The following MSTO1 variants were observed in gnomAD, a reference collection of about 807,000 sequenced individuals.
MSTO1 encodes misato mitochondrial distribution and morphology regulator 1.
MSTO1 carries 24 observed loss-of-function variants against 55.7 expected under a neutral mutation model. The ratio of observed to expected loss-of-function variants is 0.43; its 90% CI spans 0.31 to 0.61. The LOEUF (loss-of-function observed/expected upper bound fraction) is 0.61. Among genes scored for constraint, MSTO1 ranks in the 20% least tolerant of loss-of-function variants. The pLI is 0.09. For missense variants in MSTO1, 363 were observed against 625.7 expected, an observed-to-expected ratio of 0.58 and a Z score of 4.48; for synonymous variants, 162 against 252.8, an observed-to-expected ratio of 0.64 and a Z score of 3.41.
chr1:155,593,245 T>C, the MSTO1 span, among the ~76,000 whole-genome samples: 3 of 152,312 alleles, frequency 2.0e-5, no homozygotes, highest in South Asian at 6.2e-4. Context: ...TACATACTCC[T>C]TCACTGCATG....
the MSTO1 span, among the ~76,000 whole-genome samples, chr1:155,574,238 G>C: frequency 5.3e-5 from 8 of 152,098 alleles, no homozygotes; most frequent in Admixed American, 4.6e-4. Flanking sequence ...TATGCCTGTA[G>C]TCCAAGCTAC....
chr1:155,610,002 TG>T (rs368680747), upstream of MSTO1: 1,368 of 516,036 alleles, frequency 2.7e-3, 9 homozygotes, highest in African/African-American at 0.024. Flanking sequence ...CGCTCCAACG[TG>T]GAGCAGGAGC....
At chr1:155,597,600 C>A in the MSTO1 span, among the ~76,000 whole-genome samples, 1 of 151,340 alleles carries the variant, frequency 6.6e-6, no homozygotes, top group East Asian at 2.0e-4. Context: ...ACCTCCGCCT[C>A]CCGGGTTCAA....
upstream of MSTO1, chr1:155,610,027 G>C (rs1226279828): frequency 1.1e-5 from 6 of 570,052 alleles, no homozygotes; most frequent in East Asian, 1.2e-4. Flanking sequence ...GGCGTGGCCC[G>C]TGGAGCCCCG....
chr1:155,576,324 C>CTGTTT, the MSTO1 span, among the ~76,000 whole-genome samples: 1 of 151,662 alleles, frequency 6.6e-6, no homozygotes, highest in Non-Finnish European at 1.5e-5. Context: ...TTGTTTTGTT[C>CTGTTT]TGTTTTGTTT....
chr1:155,573,840 C>CAA, the MSTO1 span, among the ~76,000 whole-genome samples: 684 of 88,814 alleles, frequency 7.7e-3, 8 homozygotes, highest in East Asian at 0.014. Context: ...CTCCATCTCA[C>CAA]AAAAAAAAAA....
At chr1:155,612,998 G>C (rs1674618619) in intron 10 of MSTO1, 23 bp downstream of exon 10, 24 of 1,613,984 alleles carry the variant, frequency 1.5e-5, no homozygotes, top group Non-Finnish European at 1.9e-5. Flanking sequence ...GTAAGGGGTT[G>C]GGTCAGTGCT....
chr1:155,604,026 G>C, the MSTO1 span, among the ~76,000 whole-genome samples: 4 of 152,140 alleles, frequency 2.6e-5, no homozygotes, highest in East Asian at 3.9e-4. Context: ...AGCTGAACTT[G>C]GATATCACCA....
the MSTO1 span, chr1:155,586,681 G>A: frequency 3.8e-6 from 2 of 519,792 alleles, no homozygotes; most frequent in Middle Eastern, 6.4e-4. Flanking sequence ...GGAATAACAA[G>A]GCTTATCTCT....
At chr1:155,590,689 C>T in the MSTO1 span, 1 of 1,502,736 alleles carries the variant, frequency 6.7e-7, no homozygotes, top group South Asian at 1.3e-5. Flanking sequence ...ATGGCTGGGG[C>T]CCCGTGACCC....
At chr1:155,563,362 G>A in the MSTO1 span, 13,814 of 456,500 alleles carry the variant, frequency 0.03, 316 homozygotes, top group Non-Finnish European at 0.044. Flanking sequence ...GTATTGTACC[G>A]CTGAGGGAAA....
At chr1:155,599,734 C>G in the MSTO1 span, among the ~76,000 whole-genome samples, 15 of 152,120 alleles carry the variant, frequency 9.9e-5, no homozygotes, top group African/African-American at 3.1e-4. Flanking sequence ...GGTGTTTCTC[C>G]GAGAGGGGGA....
At chr1:155,563,382 C>T in the MSTO1 span, 2 of 456,606 alleles carry the variant, frequency 4.4e-6, no homozygotes, top group East Asian at 6.9e-5. Flanking sequence ...AGGAGCGGGA[C>T]TCCGGACCTC....
At chr1:155,580,843 A>G in the MSTO1 span, among the ~76,000 whole-genome samples, 1 of 144,876 alleles carries the variant, frequency 6.9e-6, no homozygotes, top group African/African-American at 2.6e-5. Context: ...CAGGAGGCAG[A>G]GGTTGCAGTG....
chr1:155,614,614 G>A lies in MSTO1; in HGVS notation c.*341G>A, dbSNP rs2149000586. 1.3e-6 allele frequency: 1 copy of A among 784,572 alleles called. No individual in the cohort carries two copies. The highest frequency in any genetic ancestry group is 2.6e-5 in the East Asian group (1 of 37,802). 48.6% of individuals were successfully genotyped at this position (784,572 alleles called of 1,614,324 possible). A position where few individuals can be genotyped will look rare whatever the true frequency, so the allele number is the denominator to read the frequency against. On this transcript the variant is annotated 3_prime_UTR_variant, in exon 14 of 14. Coordinates refer to ENST00000245564, the MANE Select transcript of MSTO1 (RefSeq NM_018116.4). Reference sequence around the variant, plus strand: ...CCTTGTCCTGGCCTCCTGCTCTCCAGATCTGTAAACTGGGCTCAAGGACTG... The same window carrying A: ...CCTTGTCCTGGCCTCCTGCTCTCCAAATCTGTAAACTGGGCTCAAGGACTG...
At chr1:155,582,168 G>A in the MSTO1 span, among the ~76,000 whole-genome samples, 2 of 152,116 alleles carry the variant, frequency 1.3e-5, no homozygotes, top group African/African-American at 4.8e-5. Context: ...TGGGATTACA[G>A]GCGTGAGCCA....
chr1:155,610,081 A>T, upstream of MSTO1: 2 of 672,724 alleles, frequency 3.0e-6, no homozygotes, highest in Non-Finnish European at 4.9e-6. Flanking sequence ...GGCCACGTCT[A>T]GGAAGAGGTA....
the MSTO1 span, among the ~76,000 whole-genome samples, chr1:155,588,682 G>GA: frequency 6.6e-6 from 1 of 152,060 alleles, no homozygotes; most frequent in Non-Finnish European, 1.5e-5. Flanking sequence ...GTAGAATCAT[G>GA]AAAAAATGAC....
rs1675208995 is a variant in MSTO1, at chr1:155,614,571, C to T, written c.*298C>T. ...GATGGCAGAGCCCCTGGGTCCTACT[C>T]CATCCTCCAGCCTTTGTCCTTGTCC... is the stretch of plus-strand genomic sequence containing the variant. On this transcript the variant is annotated 3_prime_UTR_variant, in exon 14 of 14. Transcript: ENST00000245564. 2 of 623,678 alleles carry T rather than the reference C, an allele frequency of 3.2e-6. No individual in the cohort carries two copies. The highest frequency in any genetic ancestry group is 5.9e-6 in the Non-Finnish European group (2 of 340,894). The allele number at this position is 623,678 out of a possible 1,614,324, so 38.6% of individuals were successfully genotyped here.
Sources: gnomAD v4.1 joint callset for allele counts (sites outside exome capture counted in the v4.1 genomes callset) on GRCh38, gnomAD v4.1.1 for gene constraint, MANE v1.5 for transcripts, NCBI Gene and HGNC (gene_info 2026-07-23, HGNC 2026-07-21) for gene names.